Variants in GRIN2B observed in about 807,000 individuals in gnomAD.
GRIN2B encodes the protein glutamate ionotropic receptor NMDA type subunit 2B, also known as glutamate receptor ionotropic, NMDA 2B.
A neutral mutation model predicts 114.5 loss-of-function variants in GRIN2B; 5 were observed. The observed-to-expected ratio is 0.04, with a 90% confidence interval of 0.02 to 0.09. GRIN2B has a LOEUF of 0.09. GRIN2B is among the 10% of genes least tolerant of loss of function. GRIN2B has a pLI of 1.00. For synonymous variants in GRIN2B, 787 were observed against 745.1 expected (o/e 1.06, Z -0.92); for missense variants, 1,108 against 1,943.5 (o/e 0.57, Z 8.08).
intron 2 of GRIN2B, among the ~76,000 whole-genome samples, chr12:13,900,636 C>T (rs1565580188): frequency 6.6e-6 from 1 of 152,152 alleles, no homozygotes. Flanking sequence ...GTGCAGGAAA[C>T]CCCCATTGAG....
chr12:13,872,849 A>G (rs1442201666), intron 2 of GRIN2B, among the ~76,000 whole-genome samples: 1 of 152,200 alleles, frequency 6.6e-6, no homozygotes, highest in Non-Finnish European at 1.5e-5. Flanking sequence ...AACTTTATTA[A>G]AAGATTTGAA....
chr12:13,974,176 G>A (rs1387722217), intron 2 of GRIN2B, among the ~76,000 whole-genome samples: 1 of 152,186 alleles, frequency 6.6e-6, no homozygotes, highest in Non-Finnish European at 1.5e-5. Flanking sequence ...TGAGTAGCTT[G>A]GCCTGGGCTA....
chr12:13,780,167 T>C (rs1864080983), intron 3 of GRIN2B, among the ~76,000 whole-genome samples: 4 of 152,148 alleles, frequency 2.6e-5, no homozygotes, highest in African/African-American at 9.7e-5. Flanking sequence ...TTTCCTGGCC[T>C]AGATGGACCA....
At chr12:13,808,645 A>G (rs764473523) in intron 3 of GRIN2B, among the ~76,000 whole-genome samples, 48 of 151,858 alleles carry the variant, frequency 3.2e-4, no homozygotes, top group Non-Finnish European at 6.3e-4. Context: ...CCTAATGTAA[A>G]TGATGAGTTA....
At position 13,545,747 on chromosome 12, in the gene GRIN2B, C is replaced by T. The variant is rs745976155; in HGVS notation, c.*17036G>A. On this transcript the variant is annotated 3_prime_UTR_variant, in exon 14 of 14. Coordinates refer to ENST00000609686, the MANE Select transcript of GRIN2B (RefSeq NM_000834.5). ...CTATGGCACTTTGTCCCTCCTCTCC[C>T]CTGCGGCCTAACTCCCAAATCCCCT... The T allele has an allele frequency of 1.1e-4, 17 of 152,154 alleles. 1 individual carries two copies. Among genetic ancestry groups the T allele is most frequent in the South Asian group, 4.1e-4 (2 of 4,826 alleles). 9.4% of individuals were successfully genotyped at this position (152,154 alleles called of 1,614,324 possible).
chr12:13,904,991 T>C (rs1439228750), intron 2 of GRIN2B, among the ~76,000 whole-genome samples: 1 of 152,184 alleles, frequency 6.6e-6, no homozygotes. Context: ...GCCTTTTGAA[T>C]CTGTAGATTT....
At chr12:13,726,070 G>A (rs191276784) in intron 4 of GRIN2B, among the ~76,000 whole-genome samples, 158 of 152,146 alleles carry the variant, frequency 1.0e-3, no homozygotes, top group African/African-American at 3.6e-3. Flanking sequence ...TTATTCCACT[G>A]TATCCTTTCT....
chr12:13,864,748 C>G (rs1462716884), intron 3 of GRIN2B, among the ~76,000 whole-genome samples: 1 of 152,138 alleles, frequency 6.6e-6, no homozygotes, highest in African/African-American at 2.4e-5. Context: ...TGACAATTAG[C>G]CTAACATTAA....
At chr12:13,652,196 C>T (rs1478944280) in intron 5 of GRIN2B, among the ~76,000 whole-genome samples, 2 of 151,968 alleles carry the variant, frequency 1.3e-5, no homozygotes, top group Admixed American at 6.6e-5. Flanking sequence ...CTCTTCATTA[C>T]TCTTGAAGGT....
chr12:13,680,439 T>TGC (rs1950118944), intron 4 of GRIN2B, among the ~76,000 whole-genome samples: 1 of 24,206 alleles, frequency 4.1e-5, no homozygotes, highest in African/African-American at 1.2e-4. Flanking sequence ...ATCAAGGTTG[T>TGC]GTGTGTGTGT....
chr12:13,910,388 A>G (rs1171211044), intron 2 of GRIN2B, among the ~76,000 whole-genome samples: 1 of 152,162 alleles, frequency 6.6e-6, no homozygotes, highest in African/African-American at 2.4e-5. Flanking sequence ...ATGGACCCAC[A>G]CTTGCCTGAT....
Position 13,563,876 on chromosome 12 carries a change from C to A in GRIN2B, c.3362G>T (p.Arg1121Leu), listed in dbSNP as rs774414261. 1.2e-6 allele frequency: 2 copies of A among 1,614,130 alleles called. No individual in the cohort carries two copies. The highest frequency in any genetic ancestry group is 1.3e-5 in the African/African-American group (1 of 75,060). ...RRPPRSPDHKRYFRDKEGLRD... is the reference protein window; with the variant it reads ...RRPPRSPDHKLYFRDKEGLRD... ...TAGCCCTTCCTTGTCCCTGAAGTAG[C>A]GCTTGTGGTCAGGGGAGCGGGGCGG... Residue 1121 changes from arginine to leucine, a missense_variant, in exon 14 of 14, where the codon CGC (arginine) becomes CTC (leucine). Transcript: ENST00000609686.
chr12:13,709,259 A>G (rs1479118585), intron 4 of GRIN2B, among the ~76,000 whole-genome samples: 1 of 152,066 alleles, frequency 6.6e-6, no homozygotes, highest in Non-Finnish European at 1.5e-5. Flanking sequence ...TAAAATATCC[A>G]AAATACAATC....
chr12:13,643,228 C>A (rs1037837196), intron 5 of GRIN2B, among the ~76,000 whole-genome samples: 1 of 151,868 alleles, frequency 6.6e-6, no homozygotes, highest in African/African-American at 2.4e-5. Context: ...CCAGGTGTAC[C>A]TAGGAGATAT....
At position 13,562,989 on chromosome 12, in the gene GRIN2B, C is replaced by A. The variant is rs866929842; in HGVS notation, c.4249G>T (p.Ala1417Ser). The change falls in exon 14 of 14, where the codon GCC (alanine) becomes TCC (serine). Residue 1417 changes from alanine to serine, a missense_variant. Physicochemically the swap from Ala to Ser is moderately conservative, Grantham distance 99 (BLOSUM62 1). Around this residue, in one of 19 missense-constraint regions of GRIN2B, gnomAD observed 478 missense variants for 506.0 expected, o/e 0.94. Coordinates refer to ENST00000609686, the MANE Select transcript of GRIN2B (RefSeq NM_000834.5). ...RQPTVAGASK[A>S]RPDFRALVTN... ...ACAAGGGCCCGGAAGTCCGGCCTGG[C>A]TTTCGACGCCCCCGCCACCGTGGGC... 1 of 1,613,514 alleles carries A rather than the reference C, an allele frequency of 6.2e-7. No individual in the cohort carries two copies. Among genetic ancestry groups the A allele is most frequent in the African/African-American group, 1.3e-5 (1 of 74,924 alleles).
chr12:13,698,712 T>C (rs1950283716), intron 4 of GRIN2B, among the ~76,000 whole-genome samples: 1 of 152,178 alleles, frequency 6.6e-6, no homozygotes, highest in Non-Finnish European at 1.5e-5. Flanking sequence ...AGACAGAGTT[T>C]CTCTCTGTCA....
chr12:13,634,981 T>C (rs1182706106), intron 5 of GRIN2B, among the ~76,000 whole-genome samples: 1 of 152,194 alleles, frequency 6.6e-6, no homozygotes, highest in East Asian at 1.9e-4. Flanking sequence ...GTAACAATCT[T>C]CAAATGATGC....
At chr12:13,758,998 ATTTTTTTTTT>A (rs5796560) in intron 3 of GRIN2B, among the ~76,000 whole-genome samples, 1 of 85,600 alleles carries the variant, frequency 1.2e-5, no homozygotes, top group Non-Finnish European at 2.2e-5. Flanking sequence ...ATCTAGTTCA[ATTTTTTTTTT>A]TTTTTTTTTT....
Position 13,554,141 on chromosome 12 carries a change from A to G in GRIN2B, c.*8642T>C, listed in dbSNP as rs1321995817. The G allele has an allele frequency of 1.3e-5, 2 of 152,178 alleles. No individual in the cohort carries two copies. Among genetic ancestry groups the G allele is most frequent in the Non-Finnish European group, 2.9e-5 (2 of 68,038 alleles). 9.4% of individuals were successfully genotyped at this position (152,178 alleles called of 1,614,324 possible). The stretch of plus-strand genomic sequence containing the variant: ...ATATTTACTAATGCCTTTCATATAC[A>G]AGGCACTCTGTTTAGTGCTACAGGA... On this transcript the variant is annotated 3_prime_UTR_variant, in exon 14 of 14. Transcript: ENST00000609686.
Sources: gnomAD v4.1 joint callset for allele counts (sites outside exome capture counted in the v4.1 genomes callset) on GRCh38, gnomAD v4.1.1 for gene constraint, gnomAD v4.1.1 regional missense constraint, MANE v1.5 for transcripts, NCBI Gene and HGNC (gene_info 2026-07-23, HGNC 2026-07-21) for gene names.